Variants in CAST observed in about 807,000 individuals in gnomAD.
The protein encoded by CAST is calpastatin, also known as MIR583 host.
In CAST, 76 loss-of-function variants were observed where a neutral mutation model predicts 119.6. The ratio of observed to expected loss-of-function variants is 0.64; its 90% CI spans 0.53 to 0.77. The LOEUF is 0.77. CAST is among the 30% of genes least tolerant of loss of function. CAST has a pLI of 0.00. For missense variants in CAST, 953 were observed against 946.5 expected (o/e 1.01, Z -0.09); for synonymous variants, 319 against 331.6 (o/e 0.96, Z 0.41).
the CAST span, among the ~76,000 whole-genome samples, chr5:96,065,845 C>G: frequency 6.6e-6 from 1 of 152,120 alleles, no homozygotes; most frequent in African/African-American, 2.4e-5. Flanking sequence ...CTTTTCAAAG[C>G]TTGTCACCTT....
chr5:96,525,947 T>C (rs1210256082), upstream of CAST, among the ~76,000 whole-genome samples: 1 of 152,118 alleles, frequency 6.6e-6, no homozygotes, highest in Non-Finnish European at 1.5e-5. Context: ...GTCCAGAGTG[T>C]GGGTGTAAGT....
chr5:96,482,780 T>C, the CAST span, among the ~76,000 whole-genome samples: 1 of 152,068 alleles, frequency 6.6e-6, no homozygotes, highest in Non-Finnish European at 1.5e-5. Flanking sequence ...TACAATCTGA[T>C]GGATGAAGAA....
At chr5:96,503,906 C>T in the CAST span, among the ~76,000 whole-genome samples, 7 of 151,850 alleles carry the variant, frequency 4.6e-5, 1 homozygote, top group South Asian at 1.5e-3. Flanking sequence ...CTGATTTTTG[C>T]AAAAAAGAAG....
At chr5:96,533,531 C>T (rs761550069) in intron 1 of CAST, among the ~76,000 whole-genome samples, 4 of 152,074 alleles carry the variant, frequency 2.6e-5, no homozygotes, top group South Asian at 2.1e-4. Context: ...CTTCGAGATT[C>T]GCACTGATGG....
At chr5:96,683,606 A>G (rs1751705769) in intron 2 of CAST, among the ~76,000 whole-genome samples, 1 of 152,074 alleles carries the variant, frequency 6.6e-6, no homozygotes, top group Non-Finnish European at 1.5e-5. Context: ...ATCACAGGGC[A>G]TTTGCATCAC....
At chr5:96,285,041 C>T in the CAST span, among the ~76,000 whole-genome samples, 1 of 152,144 alleles carries the variant, frequency 6.6e-6, no homozygotes, top group East Asian at 1.9e-4. Context: ...TCTTAGTTTT[C>T]TTATCTGTGA....
At chr5:96,662,260 C>G (rs934276471), upstream of CAST, 46 of 882,712 alleles carry the variant, frequency 5.2e-5, no homozygotes, top group South Asian at 7.8e-5. Context: ...TAGGGGAACC[C>G]CGGCGCAGAC....
chr5:96,116,033 T>A, the CAST span, among the ~76,000 whole-genome samples: 2 of 152,130 alleles, frequency 1.3e-5, no homozygotes, highest in Non-Finnish European at 2.9e-5. Context: ...TTATAACTTT[T>A]ACCATAATCA....
intron 22 of CAST, among the ~76,000 whole-genome samples, chr5:96,755,979 A>G (rs549181343): frequency 6.6e-6 from 1 of 152,160 alleles, no homozygotes; most frequent in African/African-American, 2.4e-5. Flanking sequence ...CTCTCCCTTT[A>G]CTGAATTTAG....
At chr5:96,618,860 G>T (rs1469754408) in intron 1 of CAST, among the ~76,000 whole-genome samples, 1 of 152,228 alleles carries the variant, frequency 6.6e-6, no homozygotes, top group East Asian at 1.9e-4. Context: ...CTGAGCGCAG[G>T]ACTGGCAGGC....
the CAST span, among the ~76,000 whole-genome samples, chr5:96,261,249 T>G: frequency 2.6e-5 from 4 of 152,236 alleles, no homozygotes; most frequent in Non-Finnish European, 5.9e-5. Flanking sequence ...TCTGTTGTTC[T>G]GCCATGGGCA....
the CAST span, among the ~76,000 whole-genome samples, chr5:96,428,986 C>T: frequency 0.27 from 40,368 of 151,740 alleles, 5,501 homozygotes; most frequent in African/African-American, 0.29. Flanking sequence ...AATTAAACTG[C>T]GTATATATGT....
the CAST span, among the ~76,000 whole-genome samples, chr5:96,480,195 G>T: frequency 6.6e-6 from 1 of 152,152 alleles, no homozygotes; most frequent in Non-Finnish European, 1.5e-5. Context: ...AATAAGGCAG[G>T]TTGGAACAAT....
chr5:96,535,637 G>A (rs374842669), intron 1 of CAST, among the ~76,000 whole-genome samples: 1 of 137,246 alleles, frequency 7.3e-6, no homozygotes, highest in African/African-American at 2.8e-5. Flanking sequence ...GCAGTGGCGC[G>A]ATCTCGGCTC....
the CAST span, among the ~76,000 whole-genome samples, chr5:96,101,978 C>T: frequency 6.6e-6 from 1 of 152,102 alleles, no homozygotes; most frequent in Non-Finnish European, 1.5e-5. Flanking sequence ...CCTGTGGCAC[C>T]CAGGTTGGGG....
At chr5:96,515,371 G>T in the CAST span, among the ~76,000 whole-genome samples, 2 of 151,594 alleles carry the variant, frequency 1.3e-5, no homozygotes, top group Non-Finnish European at 2.9e-5. Context: ...AAAGGTGAGC[G>T]TGATAAATGG....
the CAST span, among the ~76,000 whole-genome samples, chr5:96,060,726 A>G: frequency 6.6e-6 from 1 of 152,118 alleles, no homozygotes; most frequent in South Asian, 2.1e-4. Flanking sequence ...ACCATATGAT[A>G]TAAGGGGTGT....
Position 96,619,658 on chromosome 5 carries a change from G to A in CAST, c.61-55881G>A, listed in dbSNP as rs187173314. Among the ~76,000 whole-genome samples, 1,117 of 152,252 alleles carry A rather than the reference G, an allele frequency of 7.3e-3. 45 individuals are homozygous for A. Among genetic ancestry groups the A allele is most frequent in the Admixed American group, 0.059 (898 of 15,292 alleles). ...CTACAGCTTCACTCCTGAAGCCAGCGAGACCACTAACCCACCAGAAGGAAG... is the reference window on the plus strand; with the variant it reads ...CTACAGCTTCACTCCTGAAGCCAGCAAGACCACTAACCCACCAGAAGGAAG... On this transcript the variant is annotated intron_variant, in intron 1 of 11. Coordinates refer to the CAST transcript ENST00000505143.
chr5:95,994,571 T>C, the CAST span, among the ~76,000 whole-genome samples: 6 of 152,100 alleles, frequency 3.9e-5, no homozygotes, highest in African/African-American at 1.4e-4. Context: ...TATACAATTC[T>C]GATAACTCAT....
Sources: allele counts gnomAD v4.1 joint callset (sites outside exome capture counted in the v4.1 genomes callset), GRCh38; gene constraint gnomAD v4.1.1; transcripts MANE v1.5; gene names NCBI Gene and HGNC (gene_info 2026-07-23, HGNC 2026-07-21).